TRPM7: variants seen among roughly 807,000 people sequenced by gnomAD.
TRPM7 encodes the protein transient receptor potential cation channel subfamily M member 7.
TRPM7 carries 134 observed loss-of-function variants against 229.7 expected under a neutral mutation model. The observed-to-expected ratio is 0.58, with a 90% confidence interval of 0.51 to 0.67. The LOEUF (loss-of-function observed/expected upper bound fraction) is 0.67. Ranked by LOEUF, TRPM7 falls within the 30% of genes least tolerant of loss-of-function variation. The pLI, the probability that TRPM7 is intolerant of heterozygous loss-of-function variation, is 0.00. For synonymous variants in TRPM7, 699 were observed against 715.2 expected, an observed-to-expected ratio of 0.98 and a Z score of 0.36; for missense variants, 1,901 against 2,210.0, an observed-to-expected ratio of 0.86 and a Z score of 2.80.
intron 2 of TRPM7, 42 bp from the exon 3 acceptor site, chr15:50,657,861 A>AACTTTCTG: frequency 6.5e-7 from 1 of 1,546,842 alleles, no homozygotes; most frequent in Non-Finnish European, 8.9e-7. Flanking sequence ...TCAGGTGAAA[A>AACTTTCTG]ACTTTCTGAT....
intron 1 of TRPM7, among the ~76,000 whole-genome samples, chr15:50,682,865 C>A (rs1035804394): frequency 5.3e-5 from 8 of 151,796 alleles, no homozygotes; most frequent in Non-Finnish European, 8.8e-5. Flanking sequence ...CCTAAACTAA[C>A]CTCAACCACT....
chr15:50,672,979 T>C (rs567848212), intron 1 of TRPM7, among the ~76,000 whole-genome samples: 1 of 151,686 alleles, frequency 6.6e-6, no homozygotes, highest in East Asian at 1.9e-4. Flanking sequence ...TACAATGTGT[T>C]TTATACGAAG....
In TRPM7 at chr15:50,561,645, G is replaced by A. The variant is rs1269660881; in HGVS notation, c.*33C>T. 3.1e-6 allele frequency: 5 copies of A among 1,601,520 alleles called. No individual in the cohort carries two copies. The highest frequency in any genetic ancestry group is 4.5e-5 in the East Asian group (2 of 44,670). ...TGACACAGTAACATTTCTGTGAGGT[G>A]CAGGCAAAACCAATGATTCAGTAAT... On this transcript the variant is annotated 3_prime_UTR_variant, in exon 39 of 39. Transcript: ENST00000646667.
At position 50,637,592 on chromosome 15, in the gene TRPM7, A is replaced by T. The variant is rs1422817313; in HGVS notation, c.662T>A (p.Val221Glu). The change falls in exon 7 of 39, where the codon GTG becomes GAG. Residue 221 changes from valine to glutamate, a missense_variant and splice_region_variant. Val to Glu is a moderately radical substitution (Grantham distance 121, BLOSUM62 -2). Transcript: ENST00000646667. ...ENRNDLVGRD[V>E]VAPYQTLLNP... ...CAATAAGGTTTGATAAGGAGCAACC[A>T]CCTAAACAATAGCAAACAAAAGAGT... is the stretch of plus-strand genomic sequence containing the variant. The T allele has an allele frequency of 1.2e-6, 2 of 1,611,222 alleles. No individual in the cohort carries two copies. The highest frequency in any genetic ancestry group is 1.7e-6 in the Non-Finnish European group (2 of 1,179,012).
intron 1 of TRPM7, among the ~76,000 whole-genome samples, chr15:50,664,883 T>C (rs564842802): frequency 6.6e-6 from 1 of 152,256 alleles, no homozygotes; most frequent in South Asian, 2.1e-4. Flanking sequence ...GAGGATCACT[T>C]GAGCCTGGGA....
intron 10 of TRPM7, among the ~76,000 whole-genome samples, chr15:50,628,673 G>A (rs950133327): frequency 2.0e-5 from 3 of 152,162 alleles, no homozygotes; most frequent in Non-Finnish European, 4.4e-5. Flanking sequence ...CCACCATTCA[G>A]AAGTAGCCTG....
chr15:50,664,388 A>C (rs555576616), intron 1 of TRPM7, among the ~76,000 whole-genome samples: 1 of 152,228 alleles, frequency 6.6e-6, no homozygotes, highest in South Asian at 2.1e-4. Flanking sequence ...AAATACCTAA[A>C]GCATAAGGGC....
At chr15:50,606,916 T>A (rs1212519453) in intron 20 of TRPM7, among the ~76,000 whole-genome samples, 2 of 152,222 alleles carry the variant, frequency 1.3e-5, no homozygotes, top group Non-Finnish European at 2.9e-5. Flanking sequence ...AAAATGTGAA[T>A]GTTCAGGAAA....
rs2053788037 is a variant in TRPM7 at position 50,569,922 on chromosome 15, T to C, written c.5432A>G (p.His1811Arg). The change falls in exon 38 of 39, where the codon CAC becomes CGC. Residue 1811 changes from histidine to arginine, a missense_variant. Physicochemically the swap from His to Arg is conservative, Grantham distance 29. Transcript: ENST00000646667. ...AAGCTTTCTACAGCAAGAATTACAG[T>C]GATGTTTTGCTCTGAAGTTTTTAAT... ...DAIKNFRAKH[H>R]CNSCCRKLKL... 6.2e-7 allele frequency: 1 copy of C among 1,612,228 alleles called. No individual in the cohort carries two copies. Among genetic ancestry groups the C allele is most frequent in the Non-Finnish European group, 8.5e-7 (1 of 1,179,182 alleles).
At position 50,686,605 on chromosome 15, in the gene TRPM7, T is replaced by C; in HGVS notation, c.-72A>G. ...CTCCTCCGCGGCCTGTAGCCATCTA[T>C]CGGGAAGCGTCTCCGGAGGCGGCAG... On this transcript the variant is annotated 5_prime_UTR_variant, in exon 1 of 39. Coordinates refer to ENST00000646667, the MANE Select transcript of TRPM7 (RefSeq NM_017672.6). 1.9e-6 allele frequency: 3 copies of C among 1,580,660 alleles called. No homozygotes were observed. The highest frequency in any genetic ancestry group is 2.6e-6 in the Non-Finnish European group (3 of 1,165,076).
intron 1 of TRPM7, among the ~76,000 whole-genome samples, chr15:50,683,459 G>A (rs988959573): frequency 6.6e-6 from 1 of 152,082 alleles, no homozygotes; most frequent in Non-Finnish European, 1.5e-5. Context: ...AAGAAGCCAG[G>A]GTCAGTGGCT....
chr15:50,566,109 G>C (rs1024909993), intron 38 of TRPM7, among the ~76,000 whole-genome samples: 7 of 151,956 alleles, frequency 4.6e-5, no homozygotes, highest in African/African-American at 1.7e-4. Context: ...ACAGGTGTGA[G>C]CCACTGAACC....
At chr15:50,640,673 T>C (rs776392987) in intron 5 of TRPM7, among the ~76,000 whole-genome samples, 1 of 152,096 alleles carries the variant, frequency 6.6e-6, no homozygotes, top group Non-Finnish European at 1.5e-5. Flanking sequence ...CCTTTATATA[T>C]GTGATAATAC....
chr15:50,577,350 C>G (rs2054184559), intron 31 of TRPM7, among the ~76,000 whole-genome samples: 1 of 152,018 alleles, frequency 6.6e-6, no homozygotes, highest in Non-Finnish European at 1.5e-5. Context: ...GAGTTAGAGA[C>G]CAGCCTGGCC....
At chr15:50,635,525 TG>T (rs2060870238) in intron 7 of TRPM7, among the ~76,000 whole-genome samples, 2 of 149,272 alleles carry the variant, frequency 1.3e-5, no homozygotes, top group Admixed American at 1.3e-4. Flanking sequence ...TAGCCGGGCA[TG>T]GTGGCATGCG....
At position 50,575,148 on chromosome 15, in the gene TRPM7, T is replaced by C. The variant is rs771220934; in HGVS notation, c.4736-13A>G. On this transcript the variant is annotated splice_polypyrimidine_tract_variant and intron_variant, in intron 33 of 38. Transcript: ENST00000646667. The stretch of plus-strand genomic sequence containing the variant: ...GTGACAGGCTCCCCTGCAACACAAA[T>C]GGAAAAAGTTTAAGATTAAATTGTG... 2.6e-6 allele frequency: 4 copies of C among 1,542,078 alleles called. No homozygotes were observed. The highest frequency in any genetic ancestry group is 1.4e-5 in the African/African-American group (1 of 72,246).
At chr15:50,675,137 G>GT (rs2062066240) in intron 1 of TRPM7, among the ~76,000 whole-genome samples, 1 of 152,164 alleles carries the variant, frequency 6.6e-6, no homozygotes, top group Admixed American at 6.6e-5. Context: ...GAGGTCAGGA[G>GT]TTTGAGACCA....
intron 3 of TRPM7, among the ~76,000 whole-genome samples, chr15:50,652,328 C>CAAAAAAAA (rs34122648): frequency 2.3e-4 from 8 of 34,222 alleles, no homozygotes; most frequent in East Asian, 1.0e-3. Flanking sequence ...GACTCCATCT[C>CAAAAAAAA]AAAAAAAAAA....
rs201387536 is a variant in TRPM7 at position 50,591,973 on chromosome 15, T to C, written c.4262A>G (p.Asp1421Gly). The C allele has an allele frequency of 2.2e-4, 353 of 1,606,442 alleles. No homozygotes were observed. Among genetic ancestry groups the C allele is most frequent in the Admixed American group, 1.5e-3 (89 of 58,150 alleles). Residue 1421 changes from aspartate (D) to glycine (G), a missense_variant, in exon 26 of 39, where the codon GAT becomes GGT. Physicochemically the swap from Asp to Gly is moderately conservative, Grantham distance 94 (BLOSUM62 -1). Around this residue, in one of 8 missense-constraint regions of TRPM7, gnomAD observed 533 missense variants for 497.1 expected, o/e 1.07. Transcript: ENST00000646667. ...CKSHLETGTKDQETVCSKATE... is the reference protein window; with the variant it reads ...CKSHLETGTKGQETVCSKATE... ...AGCTTTAGAGCAAACAGTTTCTTGA[T>C]CTTTGGTTCCAGTTTCCAAGTGGCT...
Sources: allele counts gnomAD v4.1 joint callset (sites outside exome capture counted in the v4.1 genomes callset), GRCh38; gene constraint gnomAD v4.1.1; regional missense constraint gnomAD v4.1.1; transcripts MANE v1.5; gene names NCBI Gene and HGNC (gene_info 2026-07-23, HGNC 2026-07-21).